The following COL21A1 variants were observed in gnomAD, a reference collection of about 807,000 sequenced individuals.
COL21A1 encodes the protein collagen type XXI alpha 1 chain.
A neutral mutation model predicts 137.9 loss-of-function variants in COL21A1; 149 were observed. The ratio of observed to expected loss-of-function variants is 1.08; its 90% confidence interval spans 0.95 to 1.24. COL21A1 has a LOEUF of 1.24. COL21A1 is among the 50% of genes most tolerant of loss of function. The pLI, the probability that COL21A1 is intolerant of heterozygous loss-of-function variation, is 0.00. For synonymous variants in COL21A1, 456 were observed against 391.5 expected, an observed-to-expected ratio of 1.16 and a Z score of -1.95; for missense variants, 1,167 against 1,158.4, an observed-to-expected ratio of 1.01 and a Z score of -0.11.
chr6:56,080,950 C>T (rs1455674498), intron 17 of COL21A1, among the ~76,000 whole-genome samples: 2 of 151,728 alleles, frequency 1.3e-5, no homozygotes, highest in Admixed American at 1.3e-4. Context: ...TGGAGTCAGC[C>T]AGCCCATGTC....
intron 1 of COL21A1, among the ~76,000 whole-genome samples, chr6:56,193,018 G>C (rs1582608009): frequency 6.6e-6 from 1 of 152,270 alleles, no homozygotes; most frequent in East Asian, 1.9e-4. Flanking sequence ...CCTTTGCAGG[G>C]ACATAGATGA....
intron 1 of COL21A1, among the ~76,000 whole-genome samples, chr6:56,215,469 T>C (rs1780424887): frequency 6.6e-6 from 1 of 152,022 alleles, no homozygotes. Context: ...TTTGCCCAAA[T>C]CTAAGCACTT....
chr6:56,369,705 T>C (rs1766186604), intron 1 of COL21A1, among the ~76,000 whole-genome samples: 1 of 152,306 alleles, frequency 6.6e-6, no homozygotes, highest in East Asian at 1.9e-4. Context: ...CATAGAAATA[T>C]GGGCAAAGGA....
chr6:56,327,268 T>C (rs1245450705), intron 1 of COL21A1, among the ~76,000 whole-genome samples: 1 of 151,824 alleles, frequency 6.6e-6, no homozygotes, highest in Admixed American at 6.6e-5. Flanking sequence ...AAATAAAATA[T>C]TTAAAATGTT....
intron 9 of COL21A1, among the ~76,000 whole-genome samples, chr6:56,162,531 G>C (rs1776269769): frequency 1.3e-5 from 2 of 152,088 alleles, no homozygotes; most frequent in South Asian, 4.1e-4. Flanking sequence ...ACATCTATTG[G>C]ACCACAAATG....
At chr6:56,178,759 T>A (rs1355052027) in intron 3 of COL21A1, among the ~76,000 whole-genome samples, 1 of 152,118 alleles carries the variant, frequency 6.6e-6, no homozygotes, top group Non-Finnish European at 1.5e-5. Flanking sequence ...GCAGTTATCA[T>A]GAACATGAAG....
At chr6:56,278,334 A>T (rs1763715775) in intron 1 of COL21A1, among the ~76,000 whole-genome samples, 1 of 152,198 alleles carries the variant, frequency 6.6e-6, no homozygotes, top group Non-Finnish European at 1.5e-5. Flanking sequence ...CAGCTGACAC[A>T]TCCCTGTGTA....
At chr6:56,112,675 CT>C (rs1771540705) in intron 16 of COL21A1, among the ~76,000 whole-genome samples, 1 of 141,498 alleles carries the variant, frequency 7.1e-6, no homozygotes, top group Admixed American at 7.1e-5. Flanking sequence ...GTTTTTTTTT[CT>C]TTTCTTTTTT....
chr6:56,333,375 A>T (rs2397217), intron 1 of COL21A1, among the ~76,000 whole-genome samples: 1 of 150,768 alleles, frequency 6.6e-6, no homozygotes, highest in East Asian at 2.0e-4. Context: ...AAATTTATAC[A>T]GATAAACTCA....
intron 7 of COL21A1, among the ~76,000 whole-genome samples, chr6:56,166,586 G>A (rs1776596204): frequency 6.6e-6 from 1 of 152,128 alleles, no homozygotes; most frequent in Non-Finnish European, 1.5e-5. Flanking sequence ...CAGACGCGGA[G>A]GTTGCAGTGA....
chr6:56,171,255 C>T (rs543412908), intron 3 of COL21A1, 127 bp from the exon 4 acceptor site: 260 of 531,908 alleles, frequency 4.9e-4, no homozygotes, highest in Non-Finnish European at 7.3e-4. Flanking sequence ...CATATGTATA[C>T]AAATGTATAG....
At chr6:56,376,156 T>C (rs1195484172) in intron 1 of COL21A1, among the ~76,000 whole-genome samples, 2 of 152,096 alleles carry the variant, frequency 1.3e-5, no homozygotes, top group East Asian at 3.9e-4. Context: ...GTAGAGGGTT[T>C]TAAGAGGAAA....
chr6:56,110,568 AATC>A (rs1260037140), intron 16 of COL21A1, among the ~76,000 whole-genome samples: 1 of 151,996 alleles, frequency 6.6e-6, no homozygotes, highest in East Asian at 1.9e-4. Context: ...TAGTCAATAT[AATC>A]ATCTATGTAG....
intron 24 of COL21A1, among the ~76,000 whole-genome samples, chr6:56,062,943 C>G (rs1361128663): frequency 1.3e-5 from 2 of 152,142 alleles, no homozygotes; most frequent in Admixed American, 6.6e-5. Flanking sequence ...GAAATATTCA[C>G]TTTGACTCCA....
At chr6:56,099,876 C>CA (rs2152163044) in intron 17 of COL21A1, among the ~76,000 whole-genome samples, 1 of 152,290 alleles carries the variant, frequency 6.6e-6, no homozygotes, top group East Asian at 1.9e-4. Context: ...CCTTCTACTT[C>CA]ATGCCTGGTC....
chr6:56,252,358 G>A (rs753922260), upstream of COL21A1, among the ~76,000 whole-genome samples: 9 of 152,122 alleles, frequency 5.9e-5, no homozygotes, highest in Non-Finnish European at 7.3e-5. Flanking sequence ...GTTAAGCTCC[G>A]TAACTTAACT....
At chr6:56,221,420 T>C (rs572833606) in intron 1 of COL21A1, among the ~76,000 whole-genome samples, 23 of 152,164 alleles carry the variant, frequency 1.5e-4, no homozygotes, top group Non-Finnish European at 2.5e-4. Context: ...AAAAGCTCAA[T>C]TTGTTTAAAA....
chr6:56,062,524 A>T (rs1479585832), intron 24 of COL21A1, among the ~76,000 whole-genome samples: 1 of 152,184 alleles, frequency 6.6e-6, no homozygotes, highest in Non-Finnish European at 1.5e-5. Context: ...GGTTTTCATT[A>T]TTCAACTTTA....
At chr6:56,256,712 A>G (rs1252070137) in intron 1 of COL21A1, among the ~76,000 whole-genome samples, 1 of 151,336 alleles carries the variant, frequency 6.6e-6, no homozygotes, top group Non-Finnish European at 1.5e-5. Context: ...AATTTTAAAA[A>G]CCCCTTTTTT....
Sources: gnomAD v4.1 joint callset for allele counts (sites outside exome capture counted in the v4.1 genomes callset) on GRCh38, gnomAD v4.1.1 for gene constraint, MANE v1.5 for transcripts, NCBI Gene and HGNC (gene_info 2026-07-23, HGNC 2026-07-21) for gene names.